The following ADAMTS7 variants were observed in gnomAD, a reference collection of about 807,000 sequenced individuals.
ADAMTS7 encodes the protein A disintegrin and metalloproteinase with thrombospondin motifs 7.
A neutral mutation model predicts 172.6 loss-of-function variants in ADAMTS7; 89 were observed. The observed-to-expected ratio is 0.52, with a 90% CI of 0.43 to 0.61. The LOEUF (loss-of-function observed/expected upper bound fraction) is 0.61, where lower values mean the gene tolerates loss of function less well. ADAMTS7 is among the 20% of genes least tolerant of loss of function. The pLI is 0.00. For missense variants in ADAMTS7, 1,973 were observed against 2,355.6 expected, an observed-to-expected ratio of 0.84 and a Z score of 3.36; for synonymous variants, 885 against 978.4, an observed-to-expected ratio of 0.90 and a Z score of 1.78.
chr15:78,765,499 C>T (rs1444407003), intron 19 of ADAMTS7, 146 bp downstream of exon 19: 3 of 1,334,444 alleles, frequency 2.2e-6, no homozygotes, highest in African/African-American at 1.5e-5. Context: ...GGCCCGGGGT[C>T]CCCTCATCCC....
chr15:78,759,533 C>T lies in ADAMTS7; in HGVS notation c.4949G>A (p.Arg1650His), dbSNP rs369049846. 1.6e-5 allele frequency: 26 copies of T among 1,594,698 alleles called. No homozygotes were observed. Among genetic ancestry groups the T allele is most frequent in the East Asian group, 9.0e-5 (4 of 44,534 alleles). ...GGGCAGCTGGCAGCGGCCCAGTAGG[C>T]GCAGCGTCTCGCAGAACCCGAAGGA... The part of the protein sequence containing the change: ...RLSFGFCETL[R>H]LLGRCQLPTI... Residue 1650 changes from arginine (R) to histidine (H), a missense_variant, in exon 24 of 24, where the codon CGC (arginine) becomes CAC (histidine). Physicochemically the swap from Arg to His is conservative, Grantham distance 29 (BLOSUM62 0). Coordinates refer to ENST00000388820, the MANE Select transcript of ADAMTS7 (RefSeq NM_014272.5).
intron 17 of ADAMTS7, 54 bp from the exon 18 acceptor site, chr15:78,767,646 GCTCA>G: frequency 6.8e-7 from 1 of 1,475,094 alleles, no homozygotes; most frequent in Middle Eastern, 2.5e-4. Context: ...TGGCCTGCAG[GCTCA>G]CCAGCAGGGG....
In ADAMTS7 at chr15:78,774,272, G is replaced by T; in HGVS notation, c.1905C>A (p.Pro635=). ...GCTTCTCGGCAAAGTACTCATTCGC[G>T]GGCCGGCAGTGCAGCTCGCAGGGGT... is the stretch of plus-strand genomic sequence containing the variant. ...DVNPCELHCR[P]ANEYFAEKLR... The change falls in exon 13 of 24, where the codon CCC becomes CCA. Residue 635 remains proline (P), a synonymous_variant. Transcript: ENST00000388820. The T allele has an allele frequency of 1.3e-6, 2 of 1,576,772 alleles. No individual in the cohort carries two copies. The highest frequency in any genetic ancestry group is 1.7e-6 in the Non-Finnish European group (2 of 1,170,780).
intron 2 of ADAMTS7, among the ~76,000 whole-genome samples, chr15:78,799,991 A>G (rs1211854898): frequency 6.6e-6 from 1 of 151,818 alleles, no homozygotes; most frequent in Non-Finnish European, 1.5e-5. Context: ...CCCGGCTTTC[A>G]CATTAAACTT....
At chr15:78,782,820 C>A (rs566277600) in intron 8 of ADAMTS7, among the ~76,000 whole-genome samples, 1 of 151,974 alleles carries the variant, frequency 6.6e-6, no homozygotes, top group Non-Finnish European at 1.5e-5. Flanking sequence ...CTGTAAGAAC[C>A]GATCAGACCC....
At chr15:78,765,466 C>T (rs191289870) in intron 19 of ADAMTS7, among the ~76,000 whole-genome samples, 179 bp downstream of exon 19, 1 of 152,236 alleles carries the variant, frequency 6.6e-6, no homozygotes, top group Non-Finnish European at 1.5e-5. Flanking sequence ...TTCCCTGAGG[C>T]CCCCTGTGCT....
intron 1 of ADAMTS7, among the ~76,000 whole-genome samples, chr15:78,805,162 G>A (rs1037584085): frequency 5.3e-5 from 8 of 152,224 alleles, no homozygotes; most frequent in African/African-American, 1.4e-4. Context: ...GCATTCAGAA[G>A]CCACCGGACT....
At chr15:78,772,964 G>A in intron 14 of ADAMTS7, 119 bp downstream of exon 14, 3 of 1,340,388 alleles carry the variant, frequency 2.2e-6, no homozygotes, top group Admixed American at 2.2e-5. Context: ...AGGCTTCCCT[G>A]CTTAGCCATC....
chr15:78,782,328 G>A (rs1369923665), intron 8 of ADAMTS7, among the ~76,000 whole-genome samples: 3 of 151,852 alleles, frequency 2.0e-5, no homozygotes, highest in Non-Finnish European at 1.5e-5. Flanking sequence ...ACCGTGCCTG[G>A]CCAGTCTAGG....
chr15:78,780,392 C>G (rs1190297509), intron 8 of ADAMTS7, among the ~76,000 whole-genome samples: 4 of 152,194 alleles, frequency 2.6e-5, no homozygotes, highest in African/African-American at 4.8e-5. Context: ...CTGGCCACCC[C>G]TGGCCACCCC....
intron 8 of ADAMTS7, among the ~76,000 whole-genome samples, chr15:78,783,937 G>C (rs2055467030): frequency 2.6e-5 from 4 of 152,014 alleles, no homozygotes; most frequent in Admixed American, 2.6e-4. Flanking sequence ...AACACTTCTG[G>C]TCCTAAGTAT....
intron 1 of ADAMTS7, among the ~76,000 whole-genome samples, chr15:78,809,948 C>A (rs922845235): frequency 2.0e-5 from 3 of 152,288 alleles, no homozygotes; most frequent in African/African-American, 7.2e-5. Context: ...GCTCCCTCTG[C>A]GCTCTGCGCA....
chr15:78,808,519 A>G (rs886172420), intron 1 of ADAMTS7, among the ~76,000 whole-genome samples: 1 of 152,198 alleles, frequency 6.6e-6, no homozygotes. Flanking sequence ...TACAAGCATG[A>G]GCCACTGCAG....
intron 9 of ADAMTS7, chr15:78,777,166 T>A (rs2055359832): frequency 1.1e-5 from 6 of 569,580 alleles, no homozygotes; most frequent in Non-Finnish European, 1.9e-5. Context: ...TCCACAGGGG[T>A]TCCTTTTCCC....
chr15:78,799,422 A>G (rs2055689108), intron 2 of ADAMTS7, among the ~76,000 whole-genome samples: 1 of 129,618 alleles, frequency 7.7e-6, no homozygotes, highest in African/African-American at 2.5e-5. Flanking sequence ...TTAGGGCTGC[A>G]GTAGCCAGCA....
intron 2 of ADAMTS7, among the ~76,000 whole-genome samples, chr15:78,799,291 CT>C (rs2055687922): frequency 7.3e-6 from 1 of 136,710 alleles, no homozygotes; most frequent in South Asian, 2.5e-4. Flanking sequence ...TCCCCTACTC[CT>C]CCCAAACCCC....
chr15:78,777,620 G>A lies in ADAMTS7; in HGVS notation c.1323-32C>T, dbSNP rs370959281. 256 of 1,584,212 alleles carry A rather than the reference G, an allele frequency of 1.6e-4. 1 individual carries two copies. The African/African-American group carries it at 3.0e-3, about 19-fold the overall frequency. ...ATGGGACGGGAGGATGGAGGGGGGC[G>A]CAGCCTGTGAGACCCATCGGAGAAG... On this transcript the variant is annotated intron_variant, in intron 8 of 23. Coordinates refer to ENST00000388820, the MANE Select transcript of ADAMTS7 (RefSeq NM_014272.5).
chr15:78,759,720 G>T (rs1436312740), intron 23 of ADAMTS7, 142 bp from the exon 24 acceptor site: 7 of 1,085,886 alleles, frequency 6.4e-6, no homozygotes, highest in Admixed American at 3.1e-5. Context: ...CTCCCGAACC[G>T]GAGTTGCAGG....
chr15:78,763,382 C>T (rs2055080973), intron 22 of ADAMTS7, among the ~76,000 whole-genome samples: 1 of 152,236 alleles, frequency 6.6e-6, no homozygotes, highest in African/African-American at 2.4e-5. Flanking sequence ...CCGGCCCCCT[C>T]AAGCTCGTCA....
Sources: gnomAD v4.1 joint callset for allele counts (sites outside exome capture counted in the v4.1 genomes callset) on GRCh38, gnomAD v4.1.1 for gene constraint, MANE v1.5 for transcripts, NCBI Gene and HGNC (gene_info 2026-07-23, HGNC 2026-07-21) for gene names.